Variants in NUP153 observed in about 807,000 individuals in gnomAD.
NUP153 encodes the protein nucleoporin 153, also known as nuclear pore complex protein Nup153.
A neutral mutation model predicts 134.6 loss-of-function variants in NUP153; 27 were observed. The ratio of observed to expected loss-of-function variants is 0.20; its 90% CI spans 0.15 to 0.28. The LOEUF (loss-of-function observed/expected upper bound fraction) is 0.28. Among genes scored for constraint, NUP153 ranks in the 10% least tolerant of loss-of-function variants. NUP153 has a pLI of 1.00. For missense variants in NUP153, 1,821 were observed against 1,731.3 expected (o/e 1.05, Z -0.92); for synonymous variants, 640 against 623.5 (o/e 1.03, Z -0.40).
chr6:17,689,971 GAACT>G (rs1769177348), intron 1 of NUP153, among the ~76,000 whole-genome samples: 1 of 152,206 alleles, frequency 6.6e-6, no homozygotes, highest in African/African-American at 2.4e-5. Context: ...ATAACTTTAT[GAACT>G]AATATCCCCA....
intron 20 of NUP153, among the ~76,000 whole-genome samples, chr6:17,624,155 A>C (rs1434596759): frequency 6.6e-6 from 1 of 152,248 alleles, no homozygotes; most frequent in East Asian, 1.9e-4. Context: ...GTAAATAGAA[A>C]GTGTCATGAG....
chr6:17,706,559 G>A lies in NUP153; in HGVS notation c.-172C>T. 3.4e-6 allele frequency: 2 copies of A among 591,380 alleles called. No homozygotes were observed. The highest frequency in any genetic ancestry group is 2.0e-5 in the South Asian group (1 of 50,298). 36.6% of individuals were successfully genotyped at this position (591,380 alleles called of 1,614,324 possible). A position where few individuals can be genotyped will look rare whatever the true frequency, so the allele number is the denominator to read the frequency against. On this transcript the variant is annotated 5_prime_UTR_variant, in exon 1 of 22. Coordinates refer to ENST00000262077, the MANE Select transcript of NUP153 (RefSeq NM_005124.4). This position sits in a 1 kb window ranked among gnomAD's most constrained non-coding sequence, Gnocchi z 5.9. ...AACCGCGAGGTTGCGAGCAGGAGCG[G>A]AGAGAGGGTGAGTGCTGGCAGCGGG...
At position 17,672,319 on chromosome 6, in the gene NUP153, T is replaced by G. The variant is rs547875325; in HGVS notation, c.852+2586A>C. Among the ~76,000 whole-genome samples the G allele has an allele frequency of 3.3e-5, 5 of 152,162 alleles. No individual in the cohort carries two copies. The South Asian group carries it at 1.0e-3, about 32-fold the overall frequency. On this transcript the variant is annotated intron_variant, in intron 5 of 21. Coordinates refer to ENST00000262077, the MANE Select transcript of NUP153 (RefSeq NM_005124.4). Reference sequence around the variant, plus strand: ...CAGGCCAGGCCTGGTGGTTCATGCTTGTAATCCGAACACTTTGGGAAGCCA... The same window carrying G: ...CAGGCCAGGCCTGGTGGTTCATGCTGGTAATCCGAACACTTTGGGAAGCCA...
At position 17,629,315 on chromosome 6, in the gene NUP153, C is replaced by T; in HGVS notation, c.2884G>A (p.Gly962Arg). The change falls in exon 18 of 22, where the codon GGA becomes AGA. Residue 962 changes from glycine (G) to arginine (R), a missense_variant. Gly to Arg is a moderately radical substitution (Grantham distance 125, BLOSUM62 -2). Transcript: ENST00000262077. Reference protein sequence around the residue: ...FSKPIGDFKFGVSSESKPEEV... With the variant: ...FSKPIGDFKFRVSSESKPEEV... ...TCGGGCTTAGATTCAGATGAAACTC[C>T]AAATTTAAAATCTCCTATTGGTTTA... 2 of 1,606,850 alleles carry T rather than the reference C, an allele frequency of 1.2e-6. No homozygotes were observed.
At chr6:17,693,625 G>C (rs1769428352) in intron 1 of NUP153, among the ~76,000 whole-genome samples, 1 of 152,106 alleles carries the variant, frequency 6.6e-6, no homozygotes, top group Non-Finnish European at 1.5e-5. Context: ...AGTGGCTCAC[G>C]CCTGTAATCC....
intron 2 of NUP153, among the ~76,000 whole-genome samples, chr6:17,684,980 T>C (rs933350022): frequency 2.6e-5 from 4 of 152,186 alleles, no homozygotes; most frequent in African/African-American, 4.8e-5. Flanking sequence ...CCATGATAGA[T>C]ACATAATTTA....
intron 12 of NUP153, among the ~76,000 whole-genome samples, 178 bp from the exon 13 acceptor site, chr6:17,648,083 CCT>C (rs1423917505): frequency 6.6e-6 from 1 of 152,152 alleles, no homozygotes; most frequent in African/African-American, 2.4e-5. Context: ...AATGTGGCTT[CCT>C]CTAAGGAGTA....
At chr6:17,651,126 C>A (rs901307520) in intron 11 of NUP153, among the ~76,000 whole-genome samples, 2 of 152,034 alleles carry the variant, frequency 1.3e-5, no homozygotes, top group Admixed American at 1.3e-4. Flanking sequence ...CAGCAAGACC[C>A]CGTCTCTATA....
At chr6:17,646,986 A>C (rs1391252378) in intron 13 of NUP153, among the ~76,000 whole-genome samples, 1 of 143,986 alleles carries the variant, frequency 6.9e-6, no homozygotes, top group Non-Finnish European at 1.5e-5. Flanking sequence ...CGAACTCTTG[A>C]CCTCAAGTGA....
intron 13 of NUP153, among the ~76,000 whole-genome samples, chr6:17,647,056 C>G (rs1467293981): frequency 6.6e-6 from 1 of 151,992 alleles, no homozygotes; most frequent in African/African-American, 2.4e-5. Context: ...CGTGCCCGGC[C>G]TCAAATGCCA....
At chr6:17,700,544 A>T (rs1488436221) in intron 1 of NUP153, among the ~76,000 whole-genome samples, 1 of 152,194 alleles carries the variant, frequency 6.6e-6, no homozygotes, top group Non-Finnish European at 1.5e-5. Context: ...AAAGTTAAAA[A>T]CTTGGTGACT....
At chr6:17,660,422 TTAAAG>T (rs1243855641) in intron 11 of NUP153, among the ~76,000 whole-genome samples, 8 of 152,070 alleles carry the variant, frequency 5.3e-5, no homozygotes, top group African/African-American at 9.7e-5. Flanking sequence ...TGCATTCAAC[TTAAAG>T]TAGTTAGAAA....
rs763927274 is a variant in NUP153, at chr6:17,648,124, T to A, written c.1534-219A>T. Among the ~76,000 whole-genome samples the A allele has an allele frequency of 1.1e-4, 17 of 152,084 alleles. No homozygotes were observed. The highest frequency in any genetic ancestry group is 2.6e-4 in the Admixed American group (4 of 15,260). Reference sequence around the variant, plus strand: ...ACAATCTTAGAGGTGGATATTTGTATAAAAAAGTAAAGTAACATCTATAAG... The same window carrying A: ...ACAATCTTAGAGGTGGATATTTGTAAAAAAAAGTAAAGTAACATCTATAAG... On this transcript the variant is annotated intron_variant, in intron 12 of 21. Transcript: ENST00000262077.
In NUP153 at chr6:17,638,649, T is replaced by C. The variant is rs190597532; in HGVS notation, c.1847-879A>G. 1.2e-3 allele frequency among the ~76,000 whole-genome samples: 183 copies of C among 152,360 alleles called. No individual in the cohort carries two copies. Among genetic ancestry groups the C allele is most frequent in the Admixed American group, 2.0e-3 (31 of 15,302 alleles). On this transcript the variant is annotated intron_variant, in intron 15 of 21. Coordinates refer to ENST00000262077, the MANE Select transcript of NUP153 (RefSeq NM_005124.4). This position sits in a 1 kb window ranked among gnomAD's most constrained non-coding sequence, Gnocchi z 4.0. Reference sequence around the variant, plus strand: ...TTACAGATTTCTTTTTCTTCTACTTTTTCAGATTTTCCTAATTTCAGTCAA... The same window carrying C: ...TTACAGATTTCTTTTTCTTCTACTTCTTCAGATTTTCCTAATTTCAGTCAA...
In NUP153 at chr6:17,628,250, G is replaced by A. The variant is rs1327693219; in HGVS notation, c.3544+405C>T. On this transcript the variant is annotated intron_variant, in intron 18 of 21. Transcript: ENST00000262077. The surrounding 1 kb of genome is among the most constrained non-coding windows in gnomAD (Gnocchi z 5.4). ...GTCTATGTTTCTTAATGTTTGATGAGGACTGGTTATCTGTAACTATTTGTA... is the reference window on the plus strand; with the variant it reads ...GTCTATGTTTCTTAATGTTTGATGAAGACTGGTTATCTGTAACTATTTGTA... Among the ~76,000 whole-genome samples the A allele has an allele frequency of 6.6e-6, 1 of 152,052 alleles. No individual in the cohort carries two copies. Among genetic ancestry groups the A allele is most frequent in the Non-Finnish European group, 1.5e-5 (1 of 68,014 alleles).
At chr6:17,634,441 AT>A (rs71002238) in intron 16 of NUP153, among the ~76,000 whole-genome samples, 29,677 of 146,148 alleles carry the variant, frequency 0.2, 3,619 homozygotes, top group Non-Finnish European at 0.28. Context: ...CCTTACATAC[AT>A]TTTTTTTTTT....
In NUP153 at chr6:17,651,058, T is replaced by C. The variant is rs534009267; in HGVS notation, c.1396-1758A>G. 1.5e-4 allele frequency among the ~76,000 whole-genome samples: 23 copies of C among 152,170 alleles called. No homozygotes were observed. The South Asian group carries it at 4.4e-3, about 29-fold the overall frequency. On this transcript the variant is annotated intron_variant, in intron 11 of 21. Transcript: ENST00000262077. ...TAAAATGACTTGTAATCCTAGCACT[T>C]TGGGAGGCCAAGGCAGGACAGCTTG...
intron 20 of NUP153, among the ~76,000 whole-genome samples, chr6:17,621,241 A>G (rs1764628630): frequency 2.6e-5 from 4 of 152,216 alleles, no homozygotes; most frequent in African/African-American, 9.6e-5. Flanking sequence ...ATGGAAACTT[A>G]CACACTGTTG....
intron 1 of NUP153, among the ~76,000 whole-genome samples, chr6:17,704,665 G>A (rs559181747): frequency 6.7e-6 from 1 of 148,840 alleles, no homozygotes. Context: ...GAAAATACCT[G>A]AACCACAATT....
Sources: allele counts gnomAD v4.1 joint callset (sites outside exome capture counted in the v4.1 genomes callset), GRCh38; gene constraint gnomAD v4.1.1; non-coding constraint Gnocchi (gnomAD v3.1); transcripts MANE v1.5; gene names NCBI Gene and HGNC (gene_info 2026-07-23, HGNC 2026-07-21).